Variants in DMD observed in about 807,000 individuals in gnomAD.
The protein encoded by DMD is dystrophin, also known as mutant dystrophin.
DMD carries 63 observed loss-of-function variants against 330.1 expected under a neutral mutation model. The ratio of observed to expected loss-of-function variants is 0.19; its 90% CI spans 0.16 to 0.24. The LOEUF (loss-of-function observed/expected upper bound fraction) is 0.24. Ranked by LOEUF, DMD falls within the 10% of genes least tolerant of loss-of-function variation. DMD has a pLI of 1.00. For synonymous variants in DMD, 1,223 were observed against 959.8 expected (o/e 1.27, Z -5.07); for missense variants, 3,344 against 2,684.1 (o/e 1.25, Z -5.43).
chrX:32,372,487 C>G (rs184724068), intron 34 of DMD, among the ~76,000 whole-genome samples: 1 of 111,510 alleles, frequency 9.0e-6, no homozygotes, highest in East Asian at 2.8e-4. Context: ...TCCATCATCT[C>G]TATTCTACAG....
intron 44 of DMD, among the ~76,000 whole-genome samples, chrX:32,086,153 G>A (rs893671713): frequency 1.8e-5 from 2 of 111,799 alleles, no homozygotes; most frequent in Non-Finnish European, 1.9e-5. Flanking sequence ...AGATCAGATC[G>A]GTGATTACTC....
intron 3 of DMD, among the ~76,000 whole-genome samples, 169 bp from the exon 4 acceptor site, chrX:32,845,029 G>A (rs1201855231): frequency 8.9e-6 from 1 of 111,777 alleles, no homozygotes; most frequent in Non-Finnish European, 1.9e-5. Context: ...TCCTTGGCCT[G>A]GTACGTTTTT....
intron 44 of DMD, among the ~76,000 whole-genome samples, chrX:32,133,037 C>T (rs754932778): frequency 1.5e-3 from 123 of 83,077 alleles, no homozygotes; most frequent in African/African-American, 6.8e-3. Context: ...GATGAAGTCT[C>T]GCTCCATCGC....
chrX:32,641,231 C>T (rs941541527), intron 11 of DMD, among the ~76,000 whole-genome samples: 23 of 110,075 alleles, frequency 2.1e-4, no homozygotes, highest in African/African-American at 4.3e-4. Flanking sequence ...TATTCCTATC[C>T]GGTATTTTTC....
chrX:31,857,334 G>A (rs1205159819), intron 48 of DMD, among the ~76,000 whole-genome samples: 5 of 86,974 alleles, frequency 5.7e-5, no homozygotes, highest in African/African-American at 2.4e-4. Flanking sequence ...AGCTGAGATC[G>A]CAGCACTGCA....
At chrX:31,216,235 A>C (rs1208426760) in intron 64 of DMD, among the ~76,000 whole-genome samples, 1 of 112,647 alleles carries the variant, frequency 8.9e-6, no homozygotes, top group African/African-American at 3.2e-5. Flanking sequence ...GCAAGCTGCC[A>C]AGGTTGATAG....
intron 62 of DMD, among the ~76,000 whole-genome samples, chrX:31,319,469 G>A (rs377464769): frequency 2.7e-5 from 3 of 112,428 alleles, no homozygotes; most frequent in East Asian, 5.6e-4. Flanking sequence ...ATAGAAGTCG[G>A]TACATTTATG....
intron 55 of DMD, among the ~76,000 whole-genome samples, chrX:31,599,272 C>T (rs1198523344): frequency 8.9e-6 from 1 of 112,000 alleles, no homozygotes; most frequent in Non-Finnish European, 1.9e-5. Context: ...ATGTTTAAGA[C>T]TTTCTAATCA....
intron 4 of DMD, among the ~76,000 whole-genome samples, chrX:32,839,308 C>A (rs752212099): frequency 9.0e-6 from 1 of 111,695 alleles, no homozygotes; most frequent in South Asian, 3.8e-4. Context: ...AATTCCAAGG[C>A]TCACTCCCTT....
intron 2 of DMD, among the ~76,000 whole-genome samples, chrX:32,856,575 G>T (rs1298300460): frequency 8.9e-6 from 1 of 111,997 alleles, no homozygotes; most frequent in East Asian, 2.8e-4. Context: ...AACAAACTTT[G>T]CATGGGCTCA....
intron 55 of DMD, among the ~76,000 whole-genome samples, chrX:31,611,535 ATT>A (rs2077918692): frequency 1.8e-5 from 2 of 112,033 alleles, no homozygotes; most frequent in Non-Finnish European, 3.8e-5. Context: ...GCTTTTCCCC[ATT>A]TTTGTATTGT....
chrX:31,525,046 T>C (rs763031074), intron 55 of DMD, among the ~76,000 whole-genome samples: 5 of 111,681 alleles, frequency 4.5e-5, no homozygotes, highest in Non-Finnish European at 9.4e-5. Flanking sequence ...AACCCGAAAA[T>C]AGCTTGCCTA....
chrX:31,561,673 T>G (rs766056879), intron 55 of DMD, among the ~76,000 whole-genome samples: 4 of 112,435 alleles, frequency 3.6e-5, no homozygotes, highest in Non-Finnish European at 5.6e-5. Flanking sequence ...ATAACTATCA[T>G]TTATTGAATG....
chrX:33,237,522 G>A (rs2052510489), intron 1 of DMD, among the ~76,000 whole-genome samples: 1 of 111,291 alleles, frequency 9.0e-6, no homozygotes, highest in East Asian at 2.9e-4. Context: ...TGGGATTACA[G>A]GCACGAGCCA....
At chrX:31,877,196 T>C (rs1052552274) in intron 47 of DMD, among the ~76,000 whole-genome samples, 3 of 112,119 alleles carry the variant, frequency 2.7e-5, no homozygotes, top group African/African-American at 9.7e-5. Context: ...GTCTTGTAAA[T>C]GCATGTATAT....
intron 63 of DMD, among the ~76,000 whole-genome samples, chrX:31,241,483 T>G (rs985026434): frequency 3.6e-5 from 4 of 112,146 alleles, no homozygotes; most frequent in African/African-American, 1.3e-4. Context: ...AATAAACCCA[T>G]AAGTATGTAA....
chrX:31,938,199 T>C (rs1199198872), intron 45 of DMD, among the ~76,000 whole-genome samples: 1 of 111,913 alleles, frequency 8.9e-6, no homozygotes, highest in Non-Finnish European at 1.9e-5. Context: ...AAGTGCTAGA[T>C]AGTTTCACAG....
intron 44 of DMD, among the ~76,000 whole-genome samples, chrX:32,019,033 A>G (rs1326447642): frequency 1.3e-4 from 14 of 111,028 alleles, no homozygotes; most frequent in Non-Finnish European, 2.6e-4. Flanking sequence ...ATTAACCCTG[A>G]TGTAGGTCAA....
intron 7 of DMD, among the ~76,000 whole-genome samples, chrX:32,731,971 G>C (rs1050584710): frequency 1.6e-3 from 184 of 111,667 alleles, no homozygotes; most frequent in African/African-American, 5.1e-3. Context: ...TCTGAGCTAC[G>C]GGAGGACATT....
Sources: gnomAD v4.1 joint callset for allele counts (sites outside exome capture counted in the v4.1 genomes callset) on GRCh38, gnomAD v4.1.1 for gene constraint, MANE v1.5 for transcripts, NCBI Gene and HGNC (gene_info 2026-07-23, HGNC 2026-07-21) for gene names.